The following SLC35D2 variants were observed in gnomAD, a reference collection of about 807,000 sequenced individuals.
SLC35D2 encodes nucleotide sugar transporter SLC35D2.
SLC35D2 carries 43 observed loss-of-function variants against 41.8 expected under a neutral mutation model. The observed-to-expected ratio is 1.03, with a 90% CI of 0.81 to 1.33. SLC35D2 has a LOEUF of 1.33. Among genes scored for constraint, SLC35D2 ranks in the 40% most tolerant of loss-of-function variants. The probability of loss-of-function intolerance (pLI) is 0.00; values close to 1 mark genes in which losing one functional copy is unlikely to be tolerated. For synonymous variants in SLC35D2, 150 were observed against 163.9 expected (o/e 0.92, Z 0.65); for missense variants, 380 against 408.4 (o/e 0.93, Z 0.60).
At chr9:96,373,400 G>A (rs1370309981) in intron 1 of SLC35D2, among the ~76,000 whole-genome samples, 1 of 151,892 alleles carries the variant, frequency 6.6e-6, no homozygotes, top group East Asian at 1.9e-4. Context: ...AAAAACTTGA[G>A]CCTCTCGGCC....
intron 1 of SLC35D2, among the ~76,000 whole-genome samples, chr9:96,374,765 A>C (rs1426239660): frequency 6.8e-6 from 1 of 147,428 alleles, no homozygotes; most frequent in African/African-American, 2.5e-5. Flanking sequence ...GTGAACCCGG[A>C]AGGCAGAGCT....
rs757775612 is a variant in SLC35D2, at chr9:96,351,173, T to C, written c.420-2A>G. The C allele has an allele frequency of 6.3e-7, 1 of 1,594,020 alleles. No homozygotes were observed. The highest frequency in any genetic ancestry group is 1.7e-5 in the Admixed American group (1 of 59,954). On this transcript the variant is annotated splice_acceptor_variant, in intron 5 of 11. Transcript: ENST00000253270. LOFTEE classifies it high-confidence loss of function. ...ATGATGTTGAGTGAATACTGCTTCC[T>C]GTAATAAATACACAAATAAGAAAGG... is the stretch of plus-strand genomic sequence containing the variant.
rs78821033 is a variant in SLC35D2, at chr9:96,361,715, GAA to G, written c.280-1496_280-1495del. On this transcript the variant is annotated intron_variant, in intron 3 of 11. Transcript: ENST00000253270. Reference sequence around the variant, plus strand: ...AATTAAAAAAATGAAAACAAAAACAGAAAAAAAAAAAAAGGAAGTGGAAGAGA... The same window carrying G: ...AATTAAAAAAATGAAAACAAAAACAGAAAAAAAAAAAGGAAGTGGAAGAGA... Among the ~76,000 whole-genome samples, 360 of 126,156 alleles carry G rather than the reference GAA, an allele frequency of 2.9e-3. 1 individual carries two copies. Among genetic ancestry groups the G allele is most frequent in the African/African-American group, 9.8e-3 (335 of 34,130 alleles). 82.8% of individuals were successfully genotyped at this position (126,156 alleles called of 152,430 possible). A position where few individuals can be genotyped will look rare whatever the true frequency, so the allele number is the denominator to read the frequency against.
chr9:96,321,198 C>A lies in SLC35D2; in HGVS notation c.*44G>T, dbSNP rs370936127. On this transcript the variant is annotated 3_prime_UTR_variant, in exon 12 of 12. Coordinates refer to ENST00000253270, the MANE Select transcript of SLC35D2 (RefSeq NM_007001.3). ...CACATTCCTACTGGGAATGCCCCCC[C>A]AGCCCGCAGTCACAAGTCAGTCTCC... The A allele has an allele frequency of 9.0e-6, 13 of 1,449,142 alleles. No homozygotes were observed. Among genetic ancestry groups the A allele is most frequent in the South Asian group, 4.6e-5 (4 of 86,206 alleles). The allele number at this position is 1,449,142 out of a possible 1,614,324, so 89.8% of individuals were successfully genotyped here.
chr9:96,359,240 C>T (rs917000654), intron 4 of SLC35D2, among the ~76,000 whole-genome samples: 15 of 142,524 alleles, frequency 1.1e-4, no homozygotes, highest in Non-Finnish European at 3.0e-5. Flanking sequence ...GGAGGCGGAG[C>T]TTGCAGTGAG....
In SLC35D2 at chr9:96,380,910, G is replaced by A. The variant is rs117509987; in HGVS notation, c.158+2567C>T. On this transcript the variant is annotated intron_variant, in intron 1 of 11. Coordinates refer to ENST00000253270, the MANE Select transcript of SLC35D2 (RefSeq NM_007001.3). The stretch of plus-strand genomic sequence containing the variant: ...TGTTTTCCATGGACACCAGGCAGCA[G>A]GCTGCAACACACTGGAGAGACCTTG... Among the ~76,000 whole-genome samples, 835 of 152,308 alleles carry A rather than the reference G, an allele frequency of 5.5e-3. 3 individuals carry two copies. Among genetic ancestry groups the A allele is most frequent in the Non-Finnish European group, 8.9e-3 (608 of 68,032 alleles).
chr9:96,372,574 CTTTTTTTTTTTTTTTTTT>C (rs71368250), intron 1 of SLC35D2, among the ~76,000 whole-genome samples: 30 of 90,170 alleles, frequency 3.3e-4, no homozygotes, highest in African/African-American at 1.6e-3. Context: ...TAAATAATTA[CTTTTTTTTTTTTTTTTTT>C]TTTTTTTTTT....
intron 6 of SLC35D2, 125 bp from the exon 7 acceptor site, chr9:96,345,526 G>T: frequency 1.5e-6 from 1 of 651,350 alleles, no homozygotes; most frequent in Non-Finnish European, 2.7e-6. Context: ...CCGCTTTGTG[G>T]TAGTGAATGA....
intron 4 of SLC35D2, among the ~76,000 whole-genome samples, chr9:96,358,916 G>A (rs973081427): frequency 1.3e-5 from 2 of 152,086 alleles, no homozygotes; most frequent in Non-Finnish European, 2.9e-5. Context: ...AAGAGGTGGA[G>A]GTTGCAGTGA....
chr9:96,369,232 C>A (rs897842780), intron 1 of SLC35D2, among the ~76,000 whole-genome samples: 1 of 151,968 alleles, frequency 6.6e-6, no homozygotes, highest in Non-Finnish European at 1.5e-5. Context: ...CAAATCTAAT[C>A]AAAGATTTGC....
Position 96,344,112 on chromosome 9 carries a change from CT to C in SLC35D2, c.592-117del, listed in dbSNP as rs551156903. ...AAGTTAGAATGTGCATTCTGAGCAA[CT>C]CTTTTGGAATATTTTCAGCAAATTT... On this transcript the variant is annotated intron_variant, in intron 7 of 11. Transcript: ENST00000253270. 1.1e-3 allele frequency: 662 copies of C among 595,356 alleles called. 8 individuals are homozygous for C. In the African/African-American group the frequency reaches 0.012, roughly 11 times the overall value. The allele number at this position is 595,356 out of a possible 1,614,324, so 36.9% of individuals were successfully genotyped here.
At chr9:96,380,645 T>C (rs1831162514) in intron 1 of SLC35D2, among the ~76,000 whole-genome samples, 2 of 151,792 alleles carry the variant, frequency 1.3e-5, no homozygotes. Flanking sequence ...TTTGTTTTTT[T>C]TGTATTTTTA....
chr9:96,376,938 G>A (rs1830989600), intron 1 of SLC35D2, among the ~76,000 whole-genome samples: 1 of 151,140 alleles, frequency 6.6e-6, no homozygotes, highest in Admixed American at 6.6e-5. Flanking sequence ...AAGTAAACCA[G>A]CCAGCCAGAT....
At position 96,369,916 on chromosome 9, in the gene SLC35D2, CTAACT is replaced by C. The variant is rs201608712; in HGVS notation, c.159-1616_159-1612del. Among the ~76,000 whole-genome samples the C allele has an allele frequency of 5.0e-4, 76 of 152,242 alleles. No individual in the cohort carries two copies. In the East Asian group the frequency reaches 0.011, roughly 22 times the overall value. On this transcript the variant is annotated intron_variant, in intron 1 of 11. Transcript: ENST00000253270. ...TCTAAGAAGAGAATAAAGAATAAAC[CTAACT>C]TATCAGAGAAAACAGAATGAATGGC...
At chr9:96,319,387 T>C (rs1225679576), downstream of SLC35D2, among the ~76,000 whole-genome samples, 1 of 152,124 alleles carries the variant, frequency 6.6e-6, no homozygotes, top group East Asian at 1.9e-4. Flanking sequence ...AGTTTCGGTT[T>C]TGCAAGATGA....
chr9:96,337,216 TTTTC>T (rs1279584941), intron 8 of SLC35D2, among the ~76,000 whole-genome samples: 1 of 152,130 alleles, frequency 6.6e-6, no homozygotes, highest in Non-Finnish European at 1.5e-5. Context: ...TATCTCTTTT[TTTTC>T]TTTCTTTTTT....
downstream of SLC35D2, among the ~76,000 whole-genome samples, chr9:96,320,012 CCA>C (rs765784775): frequency 1.3e-5 from 2 of 152,222 alleles, no homozygotes; most frequent in Non-Finnish European, 2.9e-5. Context: ...CTCCTGACTC[CCA>C]GACTGTGGCT....
chr9:96,337,394 T>G (rs1333625550), intron 8 of SLC35D2, among the ~76,000 whole-genome samples: 1 of 151,656 alleles, frequency 6.6e-6, no homozygotes, highest in Non-Finnish European at 1.5e-5. Context: ...TTTTTTTTTC[T>G]TTAAGTAGAG....
At chr9:96,352,600 G>A (rs1829853994) in intron 4 of SLC35D2, among the ~76,000 whole-genome samples, 1 of 152,158 alleles carries the variant, frequency 6.6e-6, no homozygotes, top group African/African-American at 2.4e-5. Context: ...GGGATTACAG[G>A]CGTGAGCCAC....
Sources: allele counts gnomAD v4.1 joint callset (sites outside exome capture counted in the v4.1 genomes callset), GRCh38; gene constraint gnomAD v4.1.1; transcripts MANE v1.5; gene names NCBI Gene and HGNC (gene_info 2026-07-23, HGNC 2026-07-21).